The following DOK7 variants were observed in gnomAD, a reference collection of about 807,000 sequenced individuals.
The protein encoded by DOK7 is docking protein 7.
In DOK7, 32 loss-of-function variants were observed where a neutral mutation model predicts 30.7. The ratio of observed to expected loss-of-function variants is 1.04; its 90% confidence interval spans 0.79 to 1.40. The LOEUF (loss-of-function observed/expected upper bound fraction) is 1.40, where lower values mean the gene tolerates loss of function less well. Ranked by LOEUF, DOK7 falls within the 40% of genes most tolerant of loss-of-function variation. DOK7 has a pLI of 0.00. For synonymous variants in DOK7, 447 were observed against 324.1 expected, an observed-to-expected ratio of 1.38 and a Z score of -4.07; for missense variants, 1,007 against 699.2, an observed-to-expected ratio of 1.44 and a Z score of -4.97.
rs776722906 is a variant in DOK7 at position 3,485,630 on chromosome 4, C to A, written c.624C>A (p.Gly208=). Residue 208 remains glycine, a synonymous_variant, in exon 5 of 7, where the codon GGC becomes GGA. Transcript: ENST00000340083. ...TCCGAGGCATCTCCCCCACCAAGGG[C>A]CCCTTTGGGCTGCGGCCGGTTCTAC... ...CIVRGISPTK[G]PFGLRPVLPD... is the part of the protein sequence containing the mutation. The A allele has an allele frequency of 1.2e-6, 2 of 1,603,656 alleles. No individual in the cohort carries two copies. The highest frequency in any genetic ancestry group is 1.7e-5 in the Admixed American group (1 of 59,332).
intron 4 of DOK7, among the ~76,000 whole-genome samples, chr4:3,479,112 G>A (rs920100677): frequency 1.1e-4 from 16 of 152,224 alleles, no homozygotes; most frequent in African/African-American, 3.1e-4. Flanking sequence ...CTCAGGGTTG[G>A]CTTTTTCCAA....
At chr4:3,500,680 G>A (rs1054919100) in intron 7 of DOK7, 65 of 1,535,728 alleles carry the variant, frequency 4.2e-5, no homozygotes, top group Middle Eastern at 1.7e-4. Context: ...GCTCACTACA[G>A]AATTCTTTCA....
chr4:3,483,508 G>A (rs192552348), intron 4 of DOK7, among the ~76,000 whole-genome samples: 6 of 152,226 alleles, frequency 3.9e-5, no homozygotes, highest in Non-Finnish European at 7.4e-5. Context: ...GGTGGCTGGC[G>A]AGGGTGTCGC....
intron 2 of DOK7, among the ~76,000 whole-genome samples, chr4:3,465,362 G>A (rs900375375): frequency 3.3e-5 from 5 of 152,152 alleles, no homozygotes; most frequent in African/African-American, 4.8e-5. Flanking sequence ...CTGCCTTCCC[G>A]CTCAGCGCTG....
downstream of DOK7, among the ~76,000 whole-genome samples, chr4:3,495,201 G>A (rs1424348746): frequency 1.3e-5 from 2 of 152,178 alleles, no homozygotes; most frequent in Admixed American, 6.5e-5. Flanking sequence ...CTCTTCAGGC[G>A]CTCAATAGCT....
intron 3 of DOK7, among the ~76,000 whole-genome samples, chr4:3,474,715 A>T (rs1239319382): frequency 1.3e-5 from 2 of 152,104 alleles, no homozygotes; most frequent in Non-Finnish European, 2.9e-5. Context: ...CCAGCTACTC[A>T]GGAGGCTGAG....
intron 2 of DOK7, among the ~76,000 whole-genome samples, chr4:3,463,945 C>T (rs998069814): frequency 6.6e-6 from 1 of 152,184 alleles, no homozygotes; most frequent in African/African-American, 2.4e-5. Context: ...CGTGGGTTAG[C>T]GCTGACCCTG....
chr4:3,479,182 CCGGCGGCCT>C (rs1222059280), intron 4 of DOK7, among the ~76,000 whole-genome samples: 2 of 152,230 alleles, frequency 1.3e-5, no homozygotes, highest in Non-Finnish European at 2.9e-5. Context: ...GCTGGTGGCC[CCGGCGGCCT>C]CGGCTCGTGG....
chr4:3,489,850 AG>A (rs1202977056), intron 6 of DOK7, 54 bp downstream of exon 6: 12 of 1,547,372 alleles, frequency 7.8e-6, no homozygotes, highest in Middle Eastern at 1.7e-4. Flanking sequence ...CTCCAGCAGG[AG>A]AGCTCAGGAG....
chr4:3,478,163 G>A (rs544181439), intron 4 of DOK7, among the ~76,000 whole-genome samples: 93 of 152,308 alleles, frequency 6.1e-4, no homozygotes, highest in African/African-American at 1.9e-3. Flanking sequence ...CGGCCGGGGT[G>A]GCGCCGCGTG....
intron 2 of DOK7, among the ~76,000 whole-genome samples, chr4:3,464,607 T>C (rs1040894855): frequency 6.6e-6 from 1 of 152,160 alleles, no homozygotes; most frequent in East Asian, 1.9e-4. Flanking sequence ...CAGGCTTTAG[T>C]CAGCTGTGGC....
chr4:3,484,441 G>T (rs1044047764), intron 4 of DOK7: 3 of 971,594 alleles, frequency 3.1e-6, no homozygotes, highest in Non-Finnish European at 3.7e-6. Flanking sequence ...TCCCTCCTGC[G>T]TACCTTTCTT....
chr4:3,500,251 GATCCCCAGGACCCGTGGC>G, exon 7 of DOK7: 1 of 1,535,324 alleles, frequency 6.5e-7, no homozygotes, highest in Non-Finnish European at 8.7e-7. Context: ...CCCCCCACAG[GATCCCCAGGACCCGTGGC>G]TGTGGACAGC....
At chr4:3,487,664 G>A (rs1245963244) in intron 5 of DOK7, among the ~76,000 whole-genome samples, 2 of 152,224 alleles carry the variant, frequency 1.3e-5, no homozygotes, top group Non-Finnish European at 2.9e-5. Flanking sequence ...TTGCAGACGA[G>A]GGTGAGAGGC....
intron 6 of DOK7, among the ~76,000 whole-genome samples, chr4:3,491,688 C>T (rs1319481152): frequency 6.6e-6 from 1 of 152,220 alleles, no homozygotes; most frequent in African/African-American, 2.4e-5. Flanking sequence ...AGACCAAGGC[C>T]CTGCATGTTG....
rs764443259 is a variant in DOK7, at chr4:3,493,625, C to A, written c.*124C>A. The A allele has an allele frequency of 1.3e-6, 2 of 1,492,816 alleles. No individual in the cohort carries two copies. Among genetic ancestry groups the A allele is most frequent in the African/African-American group, 2.8e-5 (2 of 71,014 alleles). The allele number at this position is 1,492,816 out of a possible 1,614,324, so 92.5% of individuals were successfully genotyped here. A position where few individuals can be genotyped will look rare whatever the true frequency, so the allele number is the denominator to read the frequency against. ...TCTGTGGGAGGGACCGGGGGTCTCC[C>A]GGAGAGGGGAGCTGGAGGGCGCGCC... is the stretch of plus-strand genomic sequence containing the variant. On this transcript the variant is annotated 3_prime_UTR_variant, in exon 7 of 7. Transcript: ENST00000340083.
intron 2 of DOK7, among the ~76,000 whole-genome samples, chr4:3,468,834 T>C (rs1034607678): frequency 3.3e-5 from 5 of 150,806 alleles, no homozygotes; most frequent in Non-Finnish European, 5.9e-5. Flanking sequence ...GGAGTGTGTG[T>C]GTGCGTGTAT....
chr4:3,484,814 A>C, intron 4 of DOK7: 1 of 985,498 alleles, frequency 1.0e-6, no homozygotes, highest in African/African-American at 1.7e-5. Context: ...GGTGCTGGCC[A>C]GCAGTGACGG....
At position 3,476,551 on chromosome 4, in the gene DOK7, G is replaced by A. The variant is rs374795386; in HGVS notation, c.532+9G>A. 208 of 1,613,696 alleles carry A rather than the reference G, an allele frequency of 1.3e-4. No homozygotes were observed. In the South Asian group the frequency reaches 1.5e-3, roughly 12 times the overall value. ...GACCAGGTGTGGGTACTGTAAGTAC[G>A]GATGTGTGGGGTCACTGGGCAGCAG... is the stretch of plus-strand genomic sequence containing the variant. On this transcript the variant is annotated intron_variant, in intron 4 of 6. Coordinates refer to ENST00000340083, the MANE Select transcript of DOK7 (RefSeq NM_173660.5).
Sources: gnomAD v4.1 joint callset for allele counts (sites outside exome capture counted in the v4.1 genomes callset) on GRCh38, gnomAD v4.1.1 for gene constraint, MANE v1.5 for transcripts, NCBI Gene and HGNC (gene_info 2026-07-23, HGNC 2026-07-21) for gene names.